The following PTH2R variants were observed in gnomAD, a reference collection of about 807,000 sequenced individuals.
PTH2R encodes PTH2 receptor.
Under a neutral mutation model 60.3 loss-of-function variants are expected in PTH2R, and 59 were observed. The observed-to-expected ratio is 0.98, with a 90% CI of 0.79 to 1.22. The LOEUF (loss-of-function observed/expected upper bound fraction) is 1.22. PTH2R is among the 50% of genes most tolerant of loss of function. The pLI, the probability that PTH2R is intolerant of heterozygous loss-of-function variation, is 0.00. For missense variants in PTH2R, 749 were observed against 682.6 expected, an observed-to-expected ratio of 1.10 and a Z score of -1.08; for synonymous variants, 256 against 243.8, an observed-to-expected ratio of 1.05 and a Z score of -0.47.
intron 4 of PTH2R, among the ~76,000 whole-genome samples, chr2:208,440,791 G>A (rs1702166175): frequency 1.3e-5 from 2 of 152,192 alleles, no homozygotes; most frequent in Non-Finnish European, 2.9e-5. Context: ...AATCCACCAG[G>A]CAATTCTTTG....
intron 1 of PTH2R, among the ~76,000 whole-genome samples, chr2:208,414,835 A>G (rs1295811113): frequency 1.4e-4 from 21 of 152,172 alleles, no homozygotes; most frequent in Admixed American, 1.4e-3. Flanking sequence ...TTGATAGGTG[A>G]GTGGCACTTT....
intron 5 of PTH2R, 87 bp from the exon 6 acceptor site, chr2:208,443,261 C>G (rs1356326140): frequency 1.7e-6 from 2 of 1,170,896 alleles, no homozygotes; most frequent in Non-Finnish European, 2.3e-6. Context: ...GGGGAGCAGG[C>G]TGGTTGGTGG....
chr2:208,379,878 G>A (rs1194896887), intron 1 of PTH2R, among the ~76,000 whole-genome samples: 4 of 151,412 alleles, frequency 2.6e-5, no homozygotes, highest in Non-Finnish European at 5.9e-5. Context: ...AAAAAAGAGA[G>A]AGAGACCGTT....
chr2:208,482,076 T>G (rs1703165379), intron 10 of PTH2R, among the ~76,000 whole-genome samples: 1 of 152,214 alleles, frequency 6.6e-6, no homozygotes, highest in Admixed American at 6.5e-5. Flanking sequence ...AATCTCCAGT[T>G]AACTATTTAT....
chr2:208,391,786 G>A (rs928751600), intron 1 of PTH2R, among the ~76,000 whole-genome samples: 3 of 152,114 alleles, frequency 2.0e-5, no homozygotes, highest in Non-Finnish European at 4.4e-5. Flanking sequence ...ACAACACTAA[G>A]CCTAGGTACT....
intron 4 of PTH2R, among the ~76,000 whole-genome samples, chr2:208,441,516 A>G (rs1425378314): frequency 6.6e-6 from 1 of 152,188 alleles, no homozygotes; most frequent in East Asian, 1.9e-4. Context: ...TTAGTATTAG[A>G]TTACATCCTT....
At chr2:208,455,405 G>T (rs187094474) in intron 8 of PTH2R, among the ~76,000 whole-genome samples, 2 of 152,120 alleles carry the variant, frequency 1.3e-5, no homozygotes, top group East Asian at 1.9e-4. Context: ...AAAGCTTACC[G>T]CTAGACTGAA....
chr2:208,394,348 C>T (rs1336656633), intron 1 of PTH2R, among the ~76,000 whole-genome samples: 3 of 152,226 alleles, frequency 2.0e-5, no homozygotes, highest in African/African-American at 7.2e-5. Flanking sequence ...TGTTACTCAT[C>T]TAGAAAGAGA....
intron 1 of PTH2R, among the ~76,000 whole-genome samples, chr2:208,375,435 A>C (rs576345958): frequency 6.6e-6 from 1 of 152,280 alleles, no homozygotes; most frequent in South Asian, 2.1e-4. Flanking sequence ...GCCCATTATT[A>C]ATAATTTGAA....
At chr2:208,438,722 A>G (rs1013151382) in intron 4 of PTH2R, among the ~76,000 whole-genome samples, 1 of 152,192 alleles carries the variant, frequency 6.6e-6, no homozygotes, top group Non-Finnish European at 1.5e-5. Flanking sequence ...TCCATCACAC[A>G]TAAACTCTTC....
chr2:208,444,921 G>T, intron 7 of PTH2R, 34 bp downstream of exon 7: 1 of 1,579,948 alleles, frequency 6.3e-7, no homozygotes, highest in Non-Finnish European at 8.6e-7. Context: ...CTTTCAAACT[G>T]GATGATGCAT....
intron 9 of PTH2R, among the ~76,000 whole-genome samples, chr2:208,468,192 C>T (rs2105894677): frequency 6.6e-6 from 1 of 152,258 alleles, no homozygotes; most frequent in Admixed American, 6.5e-5. Context: ...AGAACTTAAC[C>T]ACCATGTGTG....
At chr2:208,460,467 TTCTA>T (rs1488224420) in intron 9 of PTH2R, among the ~76,000 whole-genome samples, 1 of 152,166 alleles carries the variant, frequency 6.6e-6, no homozygotes, top group Non-Finnish European at 1.5e-5. Flanking sequence ...TCCCACATAA[TTCTA>T]TCTAATAGGT....
At chr2:208,450,925 C>G (rs1702395047) in intron 8 of PTH2R, 116 bp downstream of exon 8, 1 of 1,145,894 alleles carries the variant, frequency 8.7e-7, no homozygotes, top group Middle Eastern at 2.0e-4. Flanking sequence ...AGGGATGCCA[C>G]AAGGAAAATT....
intron 9 of PTH2R, among the ~76,000 whole-genome samples, chr2:208,474,681 T>C (rs1460708649): frequency 6.6e-6 from 1 of 152,210 alleles, no homozygotes; most frequent in Non-Finnish European, 1.5e-5. Flanking sequence ...TAAAGCACAT[T>C]GGAATTTTCC....
intron 1 of PTH2R, among the ~76,000 whole-genome samples, chr2:208,392,509 C>T (rs1217047008): frequency 6.6e-6 from 1 of 152,148 alleles, no homozygotes; most frequent in Non-Finnish European, 1.5e-5. Context: ...TAACTTCCAT[C>T]AGGGGGAGAC....
intron 1 of PTH2R, among the ~76,000 whole-genome samples, chr2:208,412,293 A>G (rs961187343): frequency 1.3e-5 from 2 of 152,254 alleles, no homozygotes; most frequent in African/African-American, 4.8e-5. Context: ...AGGATCGCAC[A>G]GCTGTGCTGC....
At chr2:208,490,822 T>A (rs900043658) in intron 12 of PTH2R, 142 bp downstream of exon 12, 2 of 813,986 alleles carry the variant, frequency 2.5e-6, no homozygotes, top group East Asian at 5.5e-5. Flanking sequence ...ATAAATTATT[T>A]TGGAAAAGAA....
intron 8 of PTH2R, among the ~76,000 whole-genome samples, chr2:208,454,154 A>G (rs903731840): frequency 2.0e-5 from 3 of 151,996 alleles, no homozygotes. Context: ...ATGAATGAAC[A>G]TGAAAAAATT....
Sources: allele counts gnomAD v4.1 joint callset (sites outside exome capture counted in the v4.1 genomes callset), GRCh38; gene constraint gnomAD v4.1.1; transcripts MANE v1.5; gene names NCBI Gene and HGNC (gene_info 2026-07-23, HGNC 2026-07-21).